The following CNTN4 variants were observed in gnomAD, a reference collection of about 807,000 sequenced individuals.
CNTN4 encodes the protein contactin-4.
A neutral mutation model predicts 122.5 loss-of-function variants in CNTN4; 77 were observed. That is an observed-to-expected ratio of 0.63 (90% confidence interval 0.52 to 0.76). The LOEUF (loss-of-function observed/expected upper bound fraction) is 0.76. Among genes scored for constraint, CNTN4 ranks in the 30% least tolerant of loss-of-function variants. CNTN4 has a pLI of 0.00. For missense variants in CNTN4, 1,256 were observed against 1,259.1 expected (o/e 1.00, Z 0.04); for synonymous variants, 512 against 447.0 (o/e 1.15, Z -1.83).
At chr3:2,788,782 C>A (rs2091917130) in intron 6 of CNTN4, among the ~76,000 whole-genome samples, 1 of 152,156 alleles carries the variant, frequency 6.6e-6, no homozygotes, top group Non-Finnish European at 1.5e-5. Context: ...ATCCCCCTAG[C>A]CAGCCCTGCA....
At chr3:2,547,214 A>T (rs1162572474) in intron 3 of CNTN4, among the ~76,000 whole-genome samples, 1 of 151,704 alleles carries the variant, frequency 6.6e-6, no homozygotes, top group Non-Finnish European at 1.5e-5. Flanking sequence ...CAGAGAAGAG[A>T]TCAGGGTTTT....
chr3:2,295,336 C>T (rs1260032387), intron 2 of CNTN4, among the ~76,000 whole-genome samples: 11 of 136,328 alleles, frequency 8.1e-5, no homozygotes, highest in African/African-American at 2.6e-4. Flanking sequence ...CTCTCCAGCA[C>T]CTGTTGTTTC....
intron 4 of CNTN4, among the ~76,000 whole-genome samples, chr3:2,732,471 C>T (rs968822925): frequency 6.6e-6 from 1 of 151,322 alleles, no homozygotes; most frequent in Non-Finnish European, 1.5e-5. Flanking sequence ...ATCACAGCCA[C>T]TCTTCTGGTT....
At chr3:2,338,486 G>T (rs909934768) in intron 2 of CNTN4, among the ~76,000 whole-genome samples, 2 of 151,716 alleles carry the variant, frequency 1.3e-5, no homozygotes, top group African/African-American at 4.8e-5. Context: ...AAAACTATAA[G>T]ACAGTTATTT....
At chr3:2,232,194 T>A (rs2039513061) in intron 2 of CNTN4, among the ~76,000 whole-genome samples, 1 of 152,170 alleles carries the variant, frequency 6.6e-6, no homozygotes. Context: ...GAAATTGTGC[T>A]TATTTTTACA....
intron 4 of CNTN4, among the ~76,000 whole-genome samples, chr3:2,647,796 C>T (rs2083195528): frequency 6.6e-6 from 1 of 152,200 alleles, no homozygotes; most frequent in Non-Finnish European, 1.5e-5. Context: ...CCAGCTGTCT[C>T]TGCTTACTGA....
chr3:2,463,398 G>T (rs747558684), intron 3 of CNTN4, among the ~76,000 whole-genome samples: 1 of 152,172 alleles, frequency 6.6e-6, no homozygotes, highest in African/African-American at 2.4e-5. Flanking sequence ...GTCATCTTTA[G>T]CATACAGGAT....
chr3:2,419,987 C>T (rs1184558365), intron 3 of CNTN4, among the ~76,000 whole-genome samples: 2 of 152,262 alleles, frequency 1.3e-5, no homozygotes, highest in Non-Finnish European at 2.9e-5. Context: ...CTGCCAAAAG[C>T]CACGGTCATT....
At chr3:2,213,075 T>G (rs888799708) in intron 2 of CNTN4, among the ~76,000 whole-genome samples, 2 of 152,152 alleles carry the variant, frequency 1.3e-5, no homozygotes, top group Admixed American at 6.5e-5. Context: ...TGTGGTTTGT[T>G]TGGTGTTAGT....
intron 3 of CNTN4, among the ~76,000 whole-genome samples, chr3:2,352,674 C>T (rs925165581): frequency 3.3e-5 from 5 of 152,310 alleles, no homozygotes; most frequent in East Asian, 1.9e-4. Context: ...AGCTCCCCCA[C>T]GGTGGGCTCC....
At chr3:2,494,620 G>T (rs1323679690) in intron 3 of CNTN4, among the ~76,000 whole-genome samples, 1 of 152,196 alleles carries the variant, frequency 6.6e-6, no homozygotes, top group Non-Finnish European at 1.5e-5. Flanking sequence ...GGAAAGTCCT[G>T]GCAGGGGAAG....
chr3:3,047,451 C>G (rs1466513595), intron 23 of CNTN4, among the ~76,000 whole-genome samples: 1 of 151,974 alleles, frequency 6.6e-6, no homozygotes, highest in African/African-American at 2.4e-5. Flanking sequence ...TGCGATCAAA[C>G]TAGAACTCAG....
intron 14 of CNTN4, among the ~76,000 whole-genome samples, chr3:3,010,942 C>G (rs1317172354): frequency 6.6e-6 from 1 of 152,190 alleles, no homozygotes; most frequent in East Asian, 1.9e-4. Context: ...ATTCCACACA[C>G]TCCTATTGAA....
intron 3 of CNTN4, among the ~76,000 whole-genome samples, chr3:2,371,764 C>T (rs1439721851): frequency 1.3e-5 from 2 of 152,140 alleles, no homozygotes; most frequent in Admixed American, 1.3e-4. Flanking sequence ...TTAATATTTA[C>T]CTGTCTGTTA....
At chr3:3,021,274 C>T (rs1698265594) in intron 14 of CNTN4, among the ~76,000 whole-genome samples, 1 of 152,144 alleles carries the variant, frequency 6.6e-6, no homozygotes, top group Non-Finnish European at 1.5e-5. Context: ...TTATCTTGCA[C>T]TGATTTTTAT....
intron 3 of CNTN4, among the ~76,000 whole-genome samples, chr3:2,495,477 A>G (rs1258973230): frequency 6.6e-6 from 1 of 152,206 alleles, no homozygotes; most frequent in Non-Finnish European, 1.5e-5. Flanking sequence ...CTACACTTTT[A>G]ATATGGCTCT....
intron 3 of CNTN4, among the ~76,000 whole-genome samples, chr3:2,353,651 A>C (rs555653149): frequency 1.3e-5 from 2 of 152,074 alleles, no homozygotes; most frequent in East Asian, 3.9e-4. Context: ...GAACTGTAAC[A>C]CTCACCGTGA....
intron 14 of CNTN4, among the ~76,000 whole-genome samples, chr3:3,008,377 A>G (rs536235192): frequency 6.6e-6 from 1 of 152,326 alleles, no homozygotes; most frequent in African/African-American, 2.4e-5. Flanking sequence ...AAAGAAAACA[A>G]ACAAATCAGA....
At chr3:2,810,228 G>A (rs756008260) in intron 6 of CNTN4, among the ~76,000 whole-genome samples, 3 of 152,140 alleles carry the variant, frequency 2.0e-5, no homozygotes, top group Non-Finnish European at 4.4e-5. Context: ...TCAAAGAGTC[G>A]TGGTGAAGAC....
Sources: gnomAD v4.1 joint callset for allele counts (sites outside exome capture counted in the v4.1 genomes callset) on GRCh38, gnomAD v4.1.1 for gene constraint, MANE v1.5 for transcripts, NCBI Gene and HGNC (gene_info 2026-07-23, HGNC 2026-07-21) for gene names.